The following FAM171A1 variants were observed in gnomAD, a reference collection of about 807,000 sequenced individuals.
FAM171A1 encodes protein FAM171A1.
In FAM171A1, 23 loss-of-function variants were observed where a neutral mutation model predicts 74.9. The observed-to-expected ratio is 0.31, with a 90% CI of 0.22 to 0.44. FAM171A1 has a LOEUF of 0.44. Ranked by LOEUF, FAM171A1 falls within the 20% of genes least tolerant of loss-of-function variation. FAM171A1 has a pLI of 1.00. For synonymous variants in FAM171A1, 527 were observed against 505.7 expected, an observed-to-expected ratio of 1.04 and a Z score of -0.57; for missense variants, 1,162 against 1,159.2, an observed-to-expected ratio of 1.00 and a Z score of -0.03.
chr10:15,216,216 C>T, intron 6 of FAM171A1, 106 bp from the exon 7 acceptor site: 2 of 688,186 alleles, frequency 2.9e-6, no homozygotes, highest in Non-Finnish European at 4.7e-6. Context: ...TTAGCTGGGG[C>T]ATAGAGCAGT....
At chr10:15,332,257 G>A (rs1029151768) in intron 1 of FAM171A1, among the ~76,000 whole-genome samples, 1 of 152,058 alleles carries the variant, frequency 6.6e-6, no homozygotes, top group East Asian at 1.9e-4. Context: ...CGCCAGGCCA[G>A]GACTTGCATT....
intron 1 of FAM171A1, among the ~76,000 whole-genome samples, chr10:15,340,853 GA>G (rs1835756925): frequency 6.6e-6 from 1 of 152,160 alleles, no homozygotes. Flanking sequence ...CCAGGGGAAA[GA>G]ATGTCACTCA....
chr10:15,347,967 A>C (rs1056923162), intron 1 of FAM171A1, among the ~76,000 whole-genome samples: 9 of 152,062 alleles, frequency 5.9e-5, no homozygotes, highest in African/African-American at 2.2e-4. Flanking sequence ...TTTGAATAAA[A>C]TGAGAATGAC....
intron 4 of FAM171A1, among the ~76,000 whole-genome samples, chr10:15,251,559 C>G (rs1387718811): frequency 6.6e-6 from 1 of 151,906 alleles, no homozygotes; most frequent in African/African-American, 2.4e-5. Flanking sequence ...CACACCACCA[C>G]TCCTTGCTAA....
intron 1 of FAM171A1, among the ~76,000 whole-genome samples, chr10:15,323,282 G>A (rs1005927846): frequency 2.0e-5 from 3 of 152,016 alleles, no homozygotes; most frequent in Admixed American, 2.0e-4. Context: ...GTGAAACCCC[G>A]CCTCTACTAA....
In FAM171A1 at chr10:15,212,805, C is replaced by A; in HGVS notation, c.*110G>T. Reference sequence around the variant, plus strand: ...CAGGAATGCAGTAAACGTCCACGTCCGTCCCACGGCTGGGCTGCCGTTCCG... The same window carrying A: ...CAGGAATGCAGTAAACGTCCACGTCAGTCCCACGGCTGGGCTGCCGTTCCG... On this transcript the variant is annotated 3_prime_UTR_variant, in exon 8 of 8. Coordinates refer to ENST00000378116, the MANE Select transcript of FAM171A1 (RefSeq NM_001010924.2). 4 of 1,381,474 alleles carry A rather than the reference C, an allele frequency of 2.9e-6. No individual in the cohort carries two copies. In the African/African-American group the frequency reaches 4.3e-5, roughly 15 times the overall value. The allele number at this position is 1,381,474 out of a possible 1,614,324, so 85.6% of individuals were successfully genotyped here.
At chr10:15,248,583 C>A in intron 5 of FAM171A1, 56 bp downstream of exon 5, 1 of 1,520,938 alleles carries the variant, frequency 6.6e-7, no homozygotes, top group Non-Finnish European at 8.8e-7. Context: ...AGAAGGAAAA[C>A]CAAACAGTAA....
chr10:15,340,548 C>G (rs10737095), intron 1 of FAM171A1, among the ~76,000 whole-genome samples: 66,413 of 151,994 alleles, frequency 0.44, 15,038 homozygotes, highest in East Asian at 0.8. Context: ...ATCCTAAATC[C>G]CCACCTCCAT....
intron 3 of FAM171A1, among the ~76,000 whole-genome samples, chr10:15,261,255 G>C (rs1346552829): frequency 2.0e-5 from 3 of 152,206 alleles, no homozygotes; most frequent in African/African-American, 7.2e-5. Flanking sequence ...AAGCCGGAGG[G>C]TTGCAGAGGT....
intron 1 of FAM171A1, among the ~76,000 whole-genome samples, chr10:15,310,848 T>C (rs931822025): frequency 6.6e-6 from 1 of 151,318 alleles, no homozygotes; most frequent in African/African-American, 2.4e-5. Flanking sequence ...AAAAGACCCA[T>C]TGGGTTTAAG....
At chr10:15,313,307 C>T (rs745320093) in intron 1 of FAM171A1, among the ~76,000 whole-genome samples, 1 of 152,230 alleles carries the variant, frequency 6.6e-6, no homozygotes, top group Non-Finnish European at 1.5e-5. Context: ...GGGTTTGCCA[C>T]TCACTTTCCA....
At chr10:15,259,703 T>C (rs1169700251) in intron 3 of FAM171A1, among the ~76,000 whole-genome samples, 1 of 152,082 alleles carries the variant, frequency 6.6e-6, no homozygotes, top group Non-Finnish European at 1.5e-5. Flanking sequence ...ATTATTTTAA[T>C]TCTAACTCTG....
intron 3 of FAM171A1, among the ~76,000 whole-genome samples, chr10:15,267,760 T>A (rs1834765858): frequency 6.6e-6 from 1 of 152,122 alleles, no homozygotes; most frequent in Admixed American, 6.5e-5. Context: ...AGTGTCCAGC[T>A]GTCAGGGCCA....
intron 5 of FAM171A1, among the ~76,000 whole-genome samples, chr10:15,225,641 T>C (rs1428909594): frequency 6.6e-6 from 1 of 152,204 alleles, no homozygotes; most frequent in Non-Finnish European, 1.5e-5. Context: ...TGGTACCGGA[T>C]GGCAGAGCAC....
At chr10:15,334,006 C>T (rs1054088016) in intron 1 of FAM171A1, among the ~76,000 whole-genome samples, 2 of 152,172 alleles carry the variant, frequency 1.3e-5, no homozygotes, top group African/African-American at 4.8e-5. Context: ...CCTCCTGAAT[C>T]TCCAAAGCCC....
intron 2 of FAM171A1, among the ~76,000 whole-genome samples, chr10:15,279,435 C>T (rs1009046486): frequency 7.2e-5 from 11 of 152,036 alleles, no homozygotes; most frequent in African/African-American, 1.2e-4. Flanking sequence ...AGCAGAGAGA[C>T]GGAGATCCGT....
chr10:15,250,204 G>T (rs1041131161), intron 4 of FAM171A1, among the ~76,000 whole-genome samples: 38 of 152,170 alleles, frequency 2.5e-4, no homozygotes, highest in African/African-American at 8.7e-4. Context: ...GAAGGCAAAG[G>T]TGTGGGAATG....
At chr10:15,273,487 T>C (rs1322754423) in intron 3 of FAM171A1, among the ~76,000 whole-genome samples, 2 of 152,232 alleles carry the variant, frequency 1.3e-5, no homozygotes, top group Non-Finnish European at 2.9e-5. Context: ...GTACCATTCC[T>C]TGTAAAACTA....
At chr10:15,254,930 T>C (rs747664951) in intron 3 of FAM171A1, 51 bp from the exon 4 acceptor site, 5 of 1,575,958 alleles carry the variant, frequency 3.2e-6, no homozygotes, top group East Asian at 2.3e-5. Context: ...TTTCTGTTTT[T>C]AGAAAATGCA....
Sources: gnomAD v4.1 joint callset for allele counts (sites outside exome capture counted in the v4.1 genomes callset) on GRCh38, gnomAD v4.1.1 for gene constraint, MANE v1.5 for transcripts, NCBI Gene and HGNC (gene_info 2026-07-23, HGNC 2026-07-21) for gene names.